PTPN3: variants seen among roughly 807,000 people sequenced by gnomAD.
PTPN3 encodes the protein protein tyrosine phosphatase non-receptor type 3, also known as tyrosine-protein phosphatase non-receptor type 3.
A neutral mutation model predicts 132.7 loss-of-function variants in PTPN3; 96 were observed. That is an observed-to-expected ratio of 0.72 (90% CI 0.61 to 0.86). The LOEUF is 0.86. PTPN3 is among the 40% of genes least tolerant of loss of function. The pLI, the probability that PTPN3 is intolerant of heterozygous loss-of-function variation, is 0.00. For missense variants in PTPN3, 1,125 were observed against 1,159.6 expected (o/e 0.97, Z 0.43); for synonymous variants, 398 against 429.0 (o/e 0.93, Z 0.89).
intron 9 of PTPN3, among the ~76,000 whole-genome samples, chr9:109,436,334 T>A (rs1170453528): frequency 1.3e-5 from 2 of 152,222 alleles, no homozygotes; most frequent in Admixed American, 6.5e-5. Flanking sequence ...TGATAACATA[T>A]GGAACTCATG....
In PTPN3 at chr9:109,379,593, T is replaced by C. The variant is rs780087068; in HGVS notation, c.2705A>G (p.Tyr902Cys). ...KFVCEAILRV[Y>C]EEGLVQMLDP... ...CAGCATTTGGACTAAACCTTCTTCA[T>C]ACACACGAAGAATCGCTTCACACAC... The change falls in exon 26 of 26, where the codon TAT becomes TGT. Residue 902 changes from tyrosine to cysteine, a missense_variant. By Grantham distance (194) the Tyr-to-Cys change is radical. Transcript: ENST00000374541. 1.4e-5 allele frequency: 22 copies of C among 1,614,038 alleles called. No individual in the cohort carries two copies. The highest frequency in any genetic ancestry group is 2.5e-6 in the Non-Finnish European group (3 of 1,180,002).
the PTPN3 span, chr9:109,534,177 G>A: frequency 1.0e-6 from 1 of 963,210 alleles, no homozygotes; most frequent in Non-Finnish European, 1.7e-6. Context: ...TGACCTTCTT[G>A]TCCCCGCCGG....
intron 1 of PTPN3, among the ~76,000 whole-genome samples, chr9:109,467,467 A>T (rs1846158101): frequency 6.6e-6 from 1 of 152,120 alleles, no homozygotes; most frequent in Non-Finnish European, 1.5e-5. Flanking sequence ...GGACTAAAGG[A>T]GTGGGTTTCC....
At chr9:109,533,155 T>TTTTTTGAAG in the PTPN3 span, among the ~76,000 whole-genome samples, 1 of 98,538 alleles carries the variant, frequency 1.0e-5, no homozygotes, top group Non-Finnish European at 2.2e-5. Flanking sequence ...TTTTTTTTTT[T>TTTTTTGAAG]GAGACGGAGT....
intron 1 of PTPN3, among the ~76,000 whole-genome samples, chr9:109,496,321 A>G (rs1847666399): frequency 6.6e-6 from 1 of 152,230 alleles, no homozygotes; most frequent in Admixed American, 6.5e-5. Context: ...CAATCTCAGA[A>G]AAGTTTCCAA....
chr9:109,475,659 G>A (rs989602413), intron 1 of PTPN3, among the ~76,000 whole-genome samples: 4 of 152,132 alleles, frequency 2.6e-5, no homozygotes, highest in African/African-American at 2.4e-5. Flanking sequence ...GCACAGACAC[G>A]CCCATTTGGG....
At chr9:109,523,595 G>T in the PTPN3 span, among the ~76,000 whole-genome samples, 6 of 152,282 alleles carry the variant, frequency 3.9e-5, no homozygotes, top group Non-Finnish European at 8.8e-5. Context: ...CTTCAACTGG[G>T]CTCTGCATTT....
intron 14 of PTPN3, among the ~76,000 whole-genome samples, chr9:109,413,056 C>T (rs1455611247): frequency 6.6e-6 from 1 of 151,982 alleles, no homozygotes; most frequent in Non-Finnish European, 1.5e-5. Context: ...CACCATTCTC[C>T]TGCCTCAGTC....
rs909416532 is a variant in PTPN3, at chr9:109,397,386, C to A, written c.1954-5825G>T. On this transcript the variant is annotated intron_variant, in intron 19 of 25. Transcript: ENST00000374541. ...ATGAGTGCCAACCATGTGAATAAAG[C>A]ATGCCCAAGAGAATTTCAAAGCAAT... Among the ~76,000 whole-genome samples the A allele has an allele frequency of 5.3e-5, 8 of 152,202 alleles. No individual in the cohort carries two copies. In the East Asian group the frequency reaches 1.2e-3, roughly 22 times the overall value.
chr9:109,516,686 T>C, the PTPN3 span, among the ~76,000 whole-genome samples: 1 of 152,124 alleles, frequency 6.6e-6, no homozygotes, highest in Non-Finnish European at 1.5e-5. Flanking sequence ...ACATTTGTAT[T>C]TTGCTTATTT....
Position 109,467,918 on chromosome 9 carries a change from T to C in PTPN3, c.-17-4467A>G, listed in dbSNP as rs941562595. The stretch of plus-strand genomic sequence containing the variant: ...GTTACATAAAGGGCTTGAAACCTAA[T>C]GACAATGTCATAAATAGGTATTTTA... On this transcript the variant is annotated intron_variant, in intron 1 of 25. Transcript: ENST00000374541. 9.8e-5 allele frequency among the ~76,000 whole-genome samples: 15 copies of C among 152,300 alleles called. No homozygotes were observed. In the East Asian group the frequency reaches 2.5e-3, roughly 25 times the overall value.
chr9:109,463,631 T>G (rs982747619), intron 1 of PTPN3, among the ~76,000 whole-genome samples, 180 bp from the exon 2 acceptor site: 2 of 152,238 alleles, frequency 1.3e-5, no homozygotes, highest in African/African-American at 4.8e-5. Flanking sequence ...CTAAGCAATA[T>G]GTATTGCTAA....
rs549044132 is a variant in PTPN3, at chr9:109,434,465, G to A, written c.676-1304C>T. ...TGGGACTACAGGCATGTGCCACCAC[G>A]CCCAGCTAATTTTTCATATTTTTGT... On this transcript the variant is annotated intron_variant, in intron 9 of 25. Transcript: ENST00000374541. Among the ~76,000 whole-genome samples, 895 of 151,512 alleles carry A rather than the reference G, an allele frequency of 5.9e-3. 3 individuals are homozygous for A. Among genetic ancestry groups the A allele is most frequent in the Middle Eastern group, 0.01 (3 of 288 alleles).
chr9:109,531,386 C>G, the PTPN3 span, among the ~76,000 whole-genome samples: 5 of 152,152 alleles, frequency 3.3e-5, no homozygotes, highest in Non-Finnish European at 5.9e-5. Context: ...GGTCAGAAAT[C>G]TGGATGGCCT....
chr9:109,403,824 T>G (rs1209214013), intron 19 of PTPN3, among the ~76,000 whole-genome samples: 1 of 152,248 alleles, frequency 6.6e-6, no homozygotes, highest in African/African-American at 2.4e-5. Context: ...TTATAAAAAA[T>G]GTCTGTGTGT....
chr9:109,454,433 T>C lies in PTPN3; in HGVS notation c.368+63A>G. Reference sequence around the variant, plus strand: ...TTGGCCATAGTAATAAAATGAAGAGTACATTTTTAGTGGTTACTCATTTTT... The same window carrying C: ...TTGGCCATAGTAATAAAATGAAGAGCACATTTTTAGTGGTTACTCATTTTT... On this transcript the variant is annotated intron_variant, in intron 5 of 25. Transcript: ENST00000374541. 6 of 1,336,118 alleles carry C rather than the reference T, an allele frequency of 4.5e-6. No homozygotes were observed. The Admixed American group carries it at 6.9e-5, about 15-fold the overall frequency. The allele number at this position is 1,336,118 out of a possible 1,614,324, so 82.8% of individuals were successfully genotyped here.
the PTPN3 span, among the ~76,000 whole-genome samples, chr9:109,531,897 C>A: frequency 6.6e-6 from 1 of 152,144 alleles, no homozygotes; most frequent in Non-Finnish European, 1.5e-5. Flanking sequence ...AAAGCCACAT[C>A]ACTGTAATGG....
chr9:109,457,022 A>T (rs1180267048), intron 4 of PTPN3, 151 bp downstream of exon 4: 2 of 738,828 alleles, frequency 2.7e-6, no homozygotes, highest in East Asian at 5.4e-5. Context: ...CTGACTCAGA[A>T]GTCAGACAGG....
chr9:109,450,016 C>T (rs994230859), intron 5 of PTPN3: 15 of 982,374 alleles, frequency 1.5e-5, no homozygotes, highest in East Asian at 1.1e-4. Context: ...ATGACAAAAT[C>T]GGAGCTCAGA....
Sources: gnomAD v4.1 joint callset for allele counts (sites outside exome capture counted in the v4.1 genomes callset) on GRCh38, gnomAD v4.1.1 for gene constraint, MANE v1.5 for transcripts, NCBI Gene and HGNC (gene_info 2026-07-23, HGNC 2026-07-21) for gene names.